Variants in LRRC49 observed in about 807,000 individuals in gnomAD.
LRRC49 encodes the protein leucine-rich repeat-containing protein 49.
A neutral mutation model predicts 83.3 loss-of-function variants in LRRC49; 50 were observed. The ratio of observed to expected loss-of-function variants is 0.60; its 90% confidence interval spans 0.48 to 0.76. The LOEUF is 0.76. Among genes scored for constraint, LRRC49 ranks in the 30% least tolerant of loss-of-function variants. LRRC49 has a pLI of 0.00. For missense variants in LRRC49, 704 were observed against 809.1 expected, an observed-to-expected ratio of 0.87 and a Z score of 1.58; for synonymous variants, 286 against 283.3, an observed-to-expected ratio of 1.01 and a Z score of -0.10.
At chr15:71,026,668 G>T (rs577254339) in intron 14 of LRRC49, among the ~76,000 whole-genome samples, 1 of 152,292 alleles carries the variant, frequency 6.6e-6, no homozygotes, top group Admixed American at 6.5e-5. Flanking sequence ...TTGTGGTTTT[G>T]ATTTGCATTT....
At chr15:70,952,619 G>T (rs1330633727) in intron 8 of LRRC49, among the ~76,000 whole-genome samples, 1 of 152,114 alleles carries the variant, frequency 6.6e-6, no homozygotes, top group Non-Finnish European at 1.5e-5. Context: ...TTGATGGTTG[G>T]AGTGTTCTGT....
chr15:70,901,906 C>G (rs919082322), intron 4 of LRRC49, among the ~76,000 whole-genome samples: 39 of 152,006 alleles, frequency 2.6e-4, no homozygotes, highest in Non-Finnish European at 8.8e-5. Context: ...GTGAAGGATC[C>G]CAATCTCTAT....
In LRRC49 at chr15:70,905,431, A is replaced by C. The variant is rs575256426; in HGVS notation, c.500+676A>C. The stretch of plus-strand genomic sequence containing the variant: ...TAACCAGGCTAGGTTCTCCTCCTCC[A>C]TCTTTCCCTGCCTCCCACCCTGGCA... On this transcript the variant is annotated intron_variant, in intron 5 of 15. Transcript: ENST00000260382. Among the ~76,000 whole-genome samples, 4 of 152,282 alleles carry C rather than the reference A, an allele frequency of 2.6e-5. No homozygotes were observed. The South Asian group carries it at 8.3e-4, about 32-fold the overall frequency.
At chr15:71,021,057 C>CA (rs971536572) in intron 14 of LRRC49, among the ~76,000 whole-genome samples, 20 of 149,080 alleles carry the variant, frequency 1.3e-4, no homozygotes, top group South Asian at 2.1e-4. Flanking sequence ...AAAAAAATCA[C>CA]AAAAAAAAAA....
At position 70,963,800 on chromosome 15, in the gene LRRC49, C is replaced by T; in HGVS notation, c.789C>T (p.Ser263=). 6.2e-7 allele frequency: 1 copy of T among 1,613,286 alleles called. No homozygotes were observed. The highest frequency in any genetic ancestry group is 1.3e-5 in the African/African-American group (1 of 75,000). Residue 263 remains serine (S), a synonymous_variant, in exon 9 of 16, where the codon TCC becomes TCT. Coordinates refer to ENST00000260382, the MANE Select transcript of LRRC49 (RefSeq NM_017691.5). ...FNNISSFDSV[S]CLADSSSLSD... is the part of the protein sequence containing the mutation. ...TCTCCTGCAGTTTTGACAGTGTTTC[C>T]TGCCTTGCTGACTCTTCTTCCCTCT...
chr15:70,926,740 T>G (rs1379995114), intron 7 of LRRC49, among the ~76,000 whole-genome samples: 1 of 150,568 alleles, frequency 6.6e-6, no homozygotes, highest in Non-Finnish European at 1.5e-5. Flanking sequence ...CATTGCTCAA[T>G]TCCCACCTAT....
upstream of LRRC49, among the ~76,000 whole-genome samples, chr15:70,888,884 G>T (rs1002475413): frequency 6.6e-6 from 1 of 152,064 alleles, no homozygotes; most frequent in African/African-American, 2.4e-5. Flanking sequence ...AGTAATCGGG[G>T]GATGAAAAGC....
chr15:70,941,023 C>T lies in LRRC49; in HGVS notation c.773+4201C>T, dbSNP rs117863993. ...ATTTAAAAATAGGGGCATTTGTTTTCATCCATGCTGCTTTATTCCTTCTTT... is the reference window on the plus strand; with the variant it reads ...ATTTAAAAATAGGGGCATTTGTTTTTATCCATGCTGCTTTATTCCTTCTTT... On this transcript the variant is annotated intron_variant, in intron 8 of 15. Coordinates refer to ENST00000260382, the MANE Select transcript of LRRC49 (RefSeq NM_017691.5). Among the ~76,000 whole-genome samples the T allele has an allele frequency of 4.6e-3, 701 of 152,276 alleles. 2 individuals carry two copies. The highest frequency in any genetic ancestry group is 8.0e-3 in the Non-Finnish European group (543 of 68,004).
intron 11 of LRRC49, among the ~76,000 whole-genome samples, chr15:70,992,281 T>G (rs913578561): frequency 6.6e-6 from 1 of 152,240 alleles, no homozygotes; most frequent in African/African-American, 2.4e-5. Context: ...CGGAGAAGTT[T>G]GATCGTCTGA....
chr15:70,932,880 C>T (rs185784492), intron 7 of LRRC49, among the ~76,000 whole-genome samples: 1 of 152,058 alleles, frequency 6.6e-6, no homozygotes, highest in Non-Finnish European at 1.5e-5. Flanking sequence ...TAGGCACACG[C>T]CTCCGTGCCT....
At chr15:70,952,895 C>T in intron 8 of LRRC49, among the ~76,000 whole-genome samples, 1 of 152,046 alleles carries the variant, frequency 6.6e-6, no homozygotes, top group East Asian at 1.9e-4. Context: ...AATGCCCTTT[C>T]TTTGTCCTTT....
upstream of LRRC49, chr15:70,892,474 C>T: frequency 2.0e-6 from 3 of 1,530,952 alleles, no homozygotes; most frequent in East Asian, 2.5e-5. Flanking sequence ...CTTCCTCCTC[C>T]TCCTCCCTGC....
At chr15:71,018,756 C>T (rs548504989) in intron 14 of LRRC49, among the ~76,000 whole-genome samples, 48 of 152,242 alleles carry the variant, frequency 3.2e-4, no homozygotes, top group Non-Finnish European at 1.9e-4. Flanking sequence ...TCCCACAAGA[C>T]GGCTCCTCCC....
intron 7 of LRRC49, among the ~76,000 whole-genome samples, chr15:70,922,983 G>C (rs1035632400): frequency 5.3e-5 from 8 of 151,906 alleles, no homozygotes; most frequent in African/African-American, 1.4e-4. Flanking sequence ...TCATATATTA[G>C]TTTTCAGTCT....
chr15:70,892,412 T>C (rs1270905427), upstream of LRRC49: 2 of 1,539,582 alleles, frequency 1.3e-6, no homozygotes, highest in Admixed American at 3.9e-5. Context: ...TCCCTACCTC[T>C]GGTCACCGGA....
At chr15:71,001,149 A>G (rs1166135664) in intron 11 of LRRC49, among the ~76,000 whole-genome samples, 2 of 151,956 alleles carry the variant, frequency 1.3e-5, no homozygotes, top group African/African-American at 2.4e-5. Flanking sequence ...GGCCTTTTTT[A>G]TTTAAATTTT....
At chr15:70,880,847 T>G (rs971117878) in intron 2 of LRRC49, among the ~76,000 whole-genome samples, 4 of 152,198 alleles carry the variant, frequency 2.6e-5, no homozygotes, top group African/African-American at 9.6e-5. Flanking sequence ...ATTAAGGAGA[T>G]AGGCTATTTC....
At chr15:71,021,596 T>C (rs552404290) in intron 14 of LRRC49, among the ~76,000 whole-genome samples, 7 of 152,184 alleles carry the variant, frequency 4.6e-5, no homozygotes, top group Admixed American at 1.3e-4. Context: ...TTTGAGACTA[T>C]AGGTCAGCTA....
At chr15:70,947,296 C>T (rs1382252760) in intron 8 of LRRC49, among the ~76,000 whole-genome samples, 2 of 152,152 alleles carry the variant, frequency 1.3e-5, no homozygotes, top group Non-Finnish European at 2.9e-5. Flanking sequence ...ATACCTTCTC[C>T]ATCTCTTTCA....
Sources: allele counts gnomAD v4.1 joint callset (sites outside exome capture counted in the v4.1 genomes callset), GRCh38; gene constraint gnomAD v4.1.1; transcripts MANE v1.5; gene names NCBI Gene and HGNC (gene_info 2026-07-23, HGNC 2026-07-21).